The following HEATR5B variants were observed in gnomAD, a reference collection of about 807,000 sequenced individuals.
The protein encoded by HEATR5B is HEAT repeat-containing protein 5B.
In HEATR5B, 156 loss-of-function variants were observed where a neutral mutation model predicts 224.1. The ratio of observed to expected loss-of-function variants is 0.70; its 90% confidence interval spans 0.61 to 0.80. The LOEUF is 0.80. Among genes scored for constraint, HEATR5B ranks in the 30% least tolerant of loss-of-function variants. The probability of loss-of-function intolerance (pLI) is 0.00; values close to 1 mark genes in which losing one functional copy is unlikely to be tolerated. For synonymous variants in HEATR5B, 1,027 were observed against 893.0 expected, an observed-to-expected ratio of 1.15 and a Z score of -2.68; for missense variants, 2,323 against 2,535.5, an observed-to-expected ratio of 0.92 and a Z score of 1.80.
chr2:37,075,633 G>C lies in HEATR5B; in HGVS notation c.449C>G (p.Ser150Cys), dbSNP rs1672181460. Residue 150 changes from serine (S) to cysteine (C), a missense_variant and splice_region_variant, in exon 5 of 36, where the codon TCT becomes TGT. By Grantham distance (112) the Ser-to-Cys change is moderately radical. Around this residue, in one of 12 missense-constraint regions of HEATR5B, gnomAD observed 292 missense variants for 332.6 expected, o/e 0.88. Coordinates refer to ENST00000233099, the MANE Select transcript of HEATR5B (RefSeq NM_019024.3). ...CATTAAGATTTCACTTCGCCCTTGA[G>C]ACTAGACATGTATACAAAACAAAAC... The part of the protein sequence containing the change: ...NLLKSLKSAE[S>C]QGRSEILMSL... 1.3e-5 allele frequency: 21 copies of C among 1,609,900 alleles called. No individual in the cohort carries two copies. Among genetic ancestry groups the C allele is most frequent in the Non-Finnish European group, 1.7e-5 (20 of 1,177,568 alleles).
At chr2:37,032,496 G>T in intron 22 of HEATR5B, 133 bp downstream of exon 22, 1 of 846,996 alleles carries the variant, frequency 1.2e-6, no homozygotes, top group South Asian at 1.9e-5. Flanking sequence ...TTTTAAAAGT[G>T]GTAATGGTTT....
intron 27 of HEATR5B, among the ~76,000 whole-genome samples, chr2:37,013,500 C>T (rs578238379): frequency 2.6e-5 from 4 of 152,192 alleles, no homozygotes; most frequent in South Asian, 2.1e-4. Context: ...GGCTGGGCAA[C>T]AAAGCAAGAC....
intron 8 of HEATR5B, 92 bp from the exon 9 acceptor site, chr2:37,066,002 G>C: frequency 9.2e-7 from 1 of 1,081,498 alleles, no homozygotes; most frequent in Non-Finnish European, 1.3e-6. Context: ...AGCCATACCA[G>C]TTGATGTCCG....
At chr2:37,059,436 GTGTGTGTGTGTA>G (rs1339226216) in intron 12 of HEATR5B, among the ~76,000 whole-genome samples, 34 of 80,386 alleles carry the variant, frequency 4.2e-4, no homozygotes, top group Non-Finnish European at 4.4e-4. Flanking sequence ...GTGTGTGTGT[GTGTGTGTGTGTA>G]TATATATATA....
chr2:37,052,543 C>G (rs78746177), intron 17 of HEATR5B, among the ~76,000 whole-genome samples: 13,228 of 152,158 alleles, frequency 0.087, 806 homozygotes, highest in Non-Finnish European at 0.13. Flanking sequence ...ATCTCAGCAA[C>G]TTTGGCATAT....
chr2:37,069,749 C>T (rs1671793188), intron 7 of HEATR5B, among the ~76,000 whole-genome samples: 1 of 151,956 alleles, frequency 6.6e-6, no homozygotes, highest in Non-Finnish European at 1.5e-5. Context: ...ACCGAATTTC[C>T]ATATAAGCAT....
Position 37,027,993 on chromosome 2 carries a change from C to A in HEATR5B, c.3783G>T (p.Leu1261Phe). The part of the protein sequence containing the change: ...AADCLCRIIN[L>F]CENADQAHFD... ...AGTGAGCCTGGTCTGCATTCTCACA[C>A]AAATTGATGATTCGACACAGGCAAT... The change falls in exon 24 of 36, where the codon TTG becomes TTT. Residue 1261 changes from leucine (L) to phenylalanine (F), a missense_variant. Around this residue, in one of 12 missense-constraint regions of HEATR5B, gnomAD observed 339 missense variants for 378.4 expected, o/e 0.90. Coordinates refer to ENST00000233099, the MANE Select transcript of HEATR5B (RefSeq NM_019024.3). 6.2e-7 allele frequency: 1 copy of A among 1,614,140 alleles called. No homozygotes were observed. The highest frequency in any genetic ancestry group is 8.5e-7 in the Non-Finnish European group (1 of 1,179,996).
intron 26 of HEATR5B, among the ~76,000 whole-genome samples, chr2:37,015,134 G>C (rs746308809): frequency 6.6e-6 from 1 of 152,172 alleles, no homozygotes; most frequent in Non-Finnish European, 1.5e-5. Flanking sequence ...AGGAGGAATG[G>C]GAATGTTTAG....
chr2:37,012,271 C>T (rs1451720175), intron 27 of HEATR5B, among the ~76,000 whole-genome samples: 2 of 152,148 alleles, frequency 1.3e-5, no homozygotes, highest in African/African-American at 2.4e-5. Flanking sequence ...TCAAGAAATA[C>T]ATTTAGGTTA....
chr2:37,035,064 T>C (rs939090979), intron 21 of HEATR5B, among the ~76,000 whole-genome samples: 4 of 152,196 alleles, frequency 2.6e-5, no homozygotes, highest in African/African-American at 9.7e-5. Flanking sequence ...AAGAATCAAA[T>C]GGTAAAACAT....
chr2:37,006,920 G>C (rs769621589), intron 29 of HEATR5B, 130 bp downstream of exon 29: 14 of 766,768 alleles, frequency 1.8e-5, no homozygotes, highest in Non-Finnish European at 2.4e-5. Context: ...ATAAGGTGAG[G>C]TGAAAAATCC....
chr2:37,058,339 G>A (rs756618365), intron 14 of HEATR5B, 112 bp downstream of exon 14: 2 of 639,508 alleles, frequency 3.1e-6, no homozygotes, highest in South Asian at 2.0e-5. Flanking sequence ...AAATAAAATG[G>A]TGGCCTTCCT....
intron 33 of HEATR5B, among the ~76,000 whole-genome samples, chr2:36,998,789 A>G (rs1282870370): frequency 6.6e-6 from 1 of 152,156 alleles, no homozygotes; most frequent in Non-Finnish European, 1.5e-5. Flanking sequence ...GTAAATTTTA[A>G]AACAGAAATA....
intron 22 of HEATR5B, among the ~76,000 whole-genome samples, 165 bp from the exon 23 acceptor site, chr2:37,029,085 A>G (rs1668958199): frequency 2.6e-5 from 4 of 152,254 alleles, no homozygotes; most frequent in Admixed American, 2.6e-4. Flanking sequence ...CTTTGGGATT[A>G]TAATTTAATC....
At chr2:36,986,711 G>A (rs867518527) in intron 35 of HEATR5B, among the ~76,000 whole-genome samples, 1 of 152,068 alleles carries the variant, frequency 6.6e-6, no homozygotes, top group Non-Finnish European at 1.5e-5. Context: ...TCCGCCTCCC[G>A]GGTTCAAGCA....
At chr2:37,005,928 A>T (rs1667387447) in intron 29 of HEATR5B, among the ~76,000 whole-genome samples, 169 bp from the exon 30 acceptor site, 1 of 152,216 alleles carries the variant, frequency 6.6e-6, no homozygotes, top group African/African-American at 2.4e-5. Context: ...CAAACTCAAC[A>T]TAAGGTTGTA....
At position 37,056,456 on chromosome 2, in the gene HEATR5B, C is replaced by G. The variant is rs1244567534; in HGVS notation, c.2383G>C (p.Val795Leu). Reference sequence around the variant, plus strand: ...TATACTAACCGGTGTTTATAAGAAACATGAGGAAACACTACACCAAAAAGG... The same window carrying G: ...TATACTAACCGGTGTTTATAAGAAAGATGAGGAAACACTACACCAAAAAGG... ...VALFGVVFPHVSYKHRLQMLD... is the reference protein window; with the variant it reads ...VALFGVVFPHLSYKHRLQMLD... The change falls in exon 16 of 36, where the codon GTT (valine) becomes CTT (leucine). Residue 795 changes from valine (V) to leucine (L), a missense_variant. Coordinates refer to ENST00000233099, the MANE Select transcript of HEATR5B (RefSeq NM_019024.3). 6.2e-7 allele frequency: 1 copy of G among 1,601,712 alleles called. No individual in the cohort carries two copies. The highest frequency in any genetic ancestry group is 8.5e-7 in the Non-Finnish European group (1 of 1,175,792).
chr2:37,043,456 C>A (rs1191520149), intron 18 of HEATR5B, among the ~76,000 whole-genome samples: 7 of 152,170 alleles, frequency 4.6e-5, no homozygotes, highest in Non-Finnish European at 1.0e-4. Context: ...AGAAAGTTAG[C>A]CAAAGCTTTA....
intron 9 of HEATR5B, 90 bp downstream of exon 9, chr2:37,065,665 T>C (rs1671545635): frequency 9.1e-7 from 1 of 1,103,642 alleles, no homozygotes; most frequent in Non-Finnish European, 1.3e-6. Flanking sequence ...CTAATGATGA[T>C]GATAAGCAAC....
Sources: gnomAD v4.1 joint callset for allele counts (sites outside exome capture counted in the v4.1 genomes callset) on GRCh38, gnomAD v4.1.1 for gene constraint, gnomAD v4.1.1 regional missense constraint, MANE v1.5 for transcripts, NCBI Gene and HGNC (gene_info 2026-07-23, HGNC 2026-07-21) for gene names.